ELP4: variants seen among roughly 807,000 people sequenced by gnomAD.
ELP4 encodes elongator complex protein 4.
Under a neutral mutation model 48.9 loss-of-function variants are expected in ELP4, and 51 were observed. That is an observed-to-expected ratio of 1.04 (90% CI 0.83 to 1.32). The LOEUF (loss-of-function observed/expected upper bound fraction) is 1.32. Ranked by LOEUF, ELP4 falls within the 40% of genes most tolerant of loss-of-function variation. ELP4 has a pLI of 0.00. For missense variants in ELP4, 519 were observed against 514.6 expected, an observed-to-expected ratio of 1.01 and a Z score of -0.08; for synonymous variants, 210 against 189.2, an observed-to-expected ratio of 1.11 and a Z score of -0.90.
At chr11:31,535,269 G>A (rs1009380742) in intron 2 of ELP4, among the ~76,000 whole-genome samples, 3 of 152,120 alleles carry the variant, frequency 2.0e-5, no homozygotes, top group African/African-American at 7.2e-5. Context: ...TCATACTTTA[G>A]GGAATTGTTT....
intron 5 of ELP4, among the ~76,000 whole-genome samples, chr11:31,612,358 A>G (rs1957998155): frequency 6.6e-6 from 1 of 152,138 alleles, no homozygotes; most frequent in Non-Finnish European, 1.5e-5. Flanking sequence ...GAATCGAGAA[A>G]CTTAAAAAGG....
chr11:31,657,533 T>C (rs533241087), intron 9 of ELP4, among the ~76,000 whole-genome samples: 62 of 152,148 alleles, frequency 4.1e-4, no homozygotes, highest in Middle Eastern at 3.4e-3. Context: ...ATTTGTTAAA[T>C]TGTGAAACTA....
chr11:31,533,368 CTTTTTTTTTT>C (rs71060492), intron 2 of ELP4, among the ~76,000 whole-genome samples: 43 of 50,482 alleles, frequency 8.5e-4, no homozygotes, highest in African/African-American at 2.8e-3. Context: ...CCATCTCATT[CTTTTTTTTTT>C]TTTTTTTTTT....
chr11:31,739,260 ATAAT>A (rs1173748951), intron 9 of ELP4, among the ~76,000 whole-genome samples: 15 of 152,348 alleles, frequency 9.8e-5, no homozygotes, highest in Admixed American at 9.1e-4. Flanking sequence ...ATACATGACT[ATAAT>A]TAATTGAAAT....
intron 9 of ELP4, among the ~76,000 whole-genome samples, chr11:31,741,920 A>C (rs1400046750): frequency 2.6e-5 from 4 of 152,216 alleles, no homozygotes; most frequent in Non-Finnish European, 5.9e-5. Flanking sequence ...AGTTGAGAGA[A>C]GAAGGCTTCA....
intron 5 of ELP4, among the ~76,000 whole-genome samples, chr11:31,613,453 A>G (rs1186047272): frequency 6.6e-6 from 1 of 152,196 alleles, no homozygotes; most frequent in Non-Finnish European, 1.5e-5. Context: ...ATTGAAATAC[A>G]TAGTAATAAT....
rs1948713700 is a variant in ELP4 at position 31,787,211 on chromosome 11, C to T, written c.*3687C>T. On this transcript the variant is annotated 3_prime_UTR_variant, in exon 10 of 10. Coordinates refer to ENST00000640961, the MANE Select transcript of ELP4 (RefSeq NM_019040.5). Reference sequence around the variant, plus strand: ...CCCATCCTGCCGGACCAGAGGGCTTCTGCAGCTGAGCAGCCGCTTCTTCAG... The same window carrying T: ...CCCATCCTGCCGGACCAGAGGGCTTTTGCAGCTGAGCAGCCGCTTCTTCAG... 4.3e-6 allele frequency: 1 copy of T among 232,592 alleles called. No homozygotes were observed. Among genetic ancestry groups the T allele is most frequent in the Non-Finnish European group, 8.5e-6 (1 of 117,748 alleles). 14.4% of individuals were successfully genotyped at this position (232,592 alleles called of 1,614,324 possible).
At chr11:31,646,967 G>T (rs551129559) in intron 7 of ELP4, 5 of 151,454 alleles carry the variant, frequency 3.3e-5, no homozygotes, top group Non-Finnish European at 7.4e-5. Context: ...TTAATAACTG[G>T]ACATACTATG....
At chr11:31,668,559 C>G (rs1358412507) in intron 9 of ELP4, among the ~76,000 whole-genome samples, 1 of 151,428 alleles carries the variant, frequency 6.6e-6, no homozygotes, top group South Asian at 2.1e-4. Context: ...CTCCTGGGCT[C>G]AAGCAATCCT....
Position 31,731,567 on chromosome 11 carries a change from G to GGTGTGTGTGTGTGTGTGT in ELP4, c.1144-51809_1144-51792dup, listed in dbSNP as rs148076836. Among the ~76,000 whole-genome samples the GGTGTGTGTGTGTGTGTGT allele has an allele frequency of 1.0e-2, 1,426 of 142,828 alleles. 27 individuals carry two copies. The highest frequency in any genetic ancestry group is 0.031 in the African/African-American group (1,147 of 37,426). 93.7% of individuals were successfully genotyped at this position (142,828 alleles called of 152,430 possible). A position where few individuals can be genotyped will look rare whatever the true frequency, so the allele number is the denominator to read the frequency against. On this transcript the variant is annotated intron_variant, in intron 9 of 9. Coordinates refer to ENST00000640961, the MANE Select transcript of ELP4 (RefSeq NM_019040.5). Reference sequence around the variant, plus strand: ...GGGACTTATGGTACACCATTAAGCAGGTGTGTGTGTGTGTGTGTGTGTGTG... The same window carrying GGTGTGTGTGTGTGTGTGT: ...GGGACTTATGGTACACCATTAAGCAGGTGTGTGTGTGTGTGTGTGTGTGTGTGTGTGTGTGTGTGTGTG...
intron 9 of ELP4, among the ~76,000 whole-genome samples, chr11:31,751,022 A>G: frequency 6.6e-6 from 1 of 152,242 alleles, no homozygotes; most frequent in East Asian, 1.9e-4. Flanking sequence ...TATAGACTAT[A>G]AAATGTTAAA....
At chr11:31,708,321 T>C (rs1946675517) in intron 9 of ELP4, among the ~76,000 whole-genome samples, 1 of 152,146 alleles carries the variant, frequency 6.6e-6, no homozygotes, top group Non-Finnish European at 1.5e-5. Context: ...TGTAAGCCCA[T>C]GAAATGTAAC....
At chr11:31,693,661 C>A (rs937098196) in intron 9 of ELP4, among the ~76,000 whole-genome samples, 3 of 152,086 alleles carry the variant, frequency 2.0e-5, no homozygotes, top group Non-Finnish European at 2.9e-5. Flanking sequence ...ATTTGTAATC[C>A]TTCGAGTATA....
Position 31,562,446 on chromosome 11 carries a change from T to C in ELP4, c.381+22663T>C, listed in dbSNP as rs571283735. Among the ~76,000 whole-genome samples, 3 of 152,274 alleles carry C rather than the reference T, an allele frequency of 2.0e-5. No individual in the cohort carries two copies. The East Asian group carries it at 5.8e-4, about 29-fold the overall frequency. ...TCCTGGTTTACATGTTAAAGAGAAA[T>C]GTGATAGGGATCCATGGAAAAGGAT... On this transcript the variant is annotated intron_variant, in intron 3 of 9. Coordinates refer to ENST00000640961, the MANE Select transcript of ELP4 (RefSeq NM_019040.5).
chr11:31,636,816 C>T (rs1437825028), intron 7 of ELP4, among the ~76,000 whole-genome samples: 2 of 151,822 alleles, frequency 1.3e-5, no homozygotes, highest in Middle Eastern at 3.4e-3. Flanking sequence ...TACTTTGGAA[C>T]GAGTATATAA....
At chr11:31,526,487 A>T (rs191663051) in intron 2 of ELP4, among the ~76,000 whole-genome samples, 3 of 152,126 alleles carry the variant, frequency 2.0e-5, no homozygotes, top group Non-Finnish European at 2.9e-5. Flanking sequence ...TCAAACATCT[A>T]ACATAGTATA....
chr11:31,707,470 T>C (rs1946657897), intron 9 of ELP4: 1 of 152,616 alleles, frequency 6.6e-6, no homozygotes, highest in African/African-American at 2.4e-5. Flanking sequence ...TATAACAATG[T>C]ATTATTTTAT....
intron 7 of ELP4, among the ~76,000 whole-genome samples, chr11:31,642,406 G>A (rs1287946288): frequency 2.6e-5 from 4 of 151,692 alleles, no homozygotes; most frequent in African/African-American, 9.7e-5. Flanking sequence ...TGACCATGTA[G>A]AAAACACAAA....
intron 9 of ELP4, among the ~76,000 whole-genome samples, chr11:31,697,238 C>T (rs1056949218): frequency 4.6e-5 from 7 of 152,118 alleles, no homozygotes; most frequent in Admixed American, 6.5e-5. Flanking sequence ...TGCTGACTTC[C>T]TGTGTGACTT....
Sources: gnomAD v4.1 joint callset for allele counts (sites outside exome capture counted in the v4.1 genomes callset) on GRCh38, gnomAD v4.1.1 for gene constraint, MANE v1.5 for transcripts, NCBI Gene and HGNC (gene_info 2026-07-23, HGNC 2026-07-21) for gene names.